The following JAML variants were observed in gnomAD, a reference collection of about 807,000 sequenced individuals.
The protein encoded by JAML is junction adhesion molecule like.
JAML carries 25 observed loss-of-function variants against 39.3 expected under a neutral mutation model. The observed-to-expected ratio is 0.64, with a 90% CI of 0.46 to 0.89. The LOEUF (loss-of-function observed/expected upper bound fraction) is 0.89, where lower values mean the gene tolerates loss of function less well. Ranked by LOEUF, JAML falls within the 40% of genes least tolerant of loss-of-function variation. JAML has a pLI of 0.00. For missense variants in JAML, 440 were observed against 486.9 expected, an observed-to-expected ratio of 0.90 and a Z score of 0.91; for synonymous variants, 162 against 179.2, an observed-to-expected ratio of 0.90 and a Z score of 0.77.
At position 118,200,677 on chromosome 11, in the gene JAML, G is replaced by C. The variant is rs537572986; in HGVS notation, c.773-65C>G. On this transcript the variant is annotated intron_variant, in intron 6 of 9. Coordinates refer to ENST00000356289, the MANE Select transcript of JAML (RefSeq NM_001098526.2). ...TTAGCAAAGAGCTGAGAGCCCCACA[G>C]CCCTATACCAAGTAGCACCAGCCAG... 3.8e-6 allele frequency: 6 copies of C among 1,589,764 alleles called. No individual in the cohort carries two copies. The African/African-American group carries it at 8.1e-5, about 21-fold the overall frequency.
At chr11:118,199,610 G>A (rs1948732173) in intron 7 of JAML, among the ~76,000 whole-genome samples, 1 of 152,010 alleles carries the variant, frequency 6.6e-6, no homozygotes, top group African/African-American at 2.4e-5. Flanking sequence ...AAGTGTCCCT[G>A]TTGGAGCATC....
chr11:118,196,654 T>C (rs946507048), intron 9 of JAML, 81 bp downstream of exon 9: 1 of 1,271,456 alleles, frequency 7.9e-7, no homozygotes, highest in South Asian at 1.2e-5. Flanking sequence ...GCAGCCTCCC[T>C]TGGGCAACCC....
intron 4 of JAML, among the ~76,000 whole-genome samples, chr11:118,209,991 A>C (rs1356941182): frequency 6.6e-6 from 1 of 152,102 alleles, no homozygotes. Flanking sequence ...CAGCCTCCCA[A>C]AATGCTAGGA....
Position 118,194,060 on chromosome 11 carries a change from C to T in JAML, c.*265G>A. On this transcript the variant is annotated 3_prime_UTR_variant, in exon 10 of 10. Transcript: ENST00000356289. ...GTCTGATCCAACGGGGGGTTTGAGG[C>T]CACTCAGCTCAGCCTGGTTCCCAGG... 1 of 419,840 alleles carries T rather than the reference C, an allele frequency of 2.4e-6. No homozygotes were observed. The highest frequency in any genetic ancestry group is 4.5e-6 in the Non-Finnish European group (1 of 224,716). The allele number at this position is 419,840 out of a possible 1,614,324, so 26.0% of individuals were successfully genotyped here.
chr11:118,216,832 C>A (rs1591480913), intron 1 of JAML, among the ~76,000 whole-genome samples: 1 of 152,180 alleles, frequency 6.6e-6, no homozygotes, highest in Non-Finnish European at 1.5e-5. Flanking sequence ...AACAAAAGAA[C>A]CTCTAGTGAA....
chr11:118,204,348 T>C (rs528024795), intron 5 of JAML: 5 of 153,356 alleles, frequency 3.3e-5, no homozygotes, highest in Admixed American at 3.2e-4. Context: ...TTTAAAAATG[T>C]AAGTTAAATC....
chr11:118,214,717 T>C, intron 2 of JAML, 107 bp downstream of exon 2: 2 of 1,190,786 alleles, frequency 1.7e-6, no homozygotes, highest in South Asian at 1.3e-5. Flanking sequence ...AGGGTTTCCA[T>C]CTTCAACAAA....
intron 7 of JAML, among the ~76,000 whole-genome samples, chr11:118,199,690 A>AT (rs201020070): frequency 1.1e-3 from 91 of 80,646 alleles, no homozygotes; most frequent in Middle Eastern, 6.1e-3. Flanking sequence ...TATTATTATT[A>AT]TTATTTTTTT....
At chr11:118,196,066 C>A (rs922396712) in intron 9 of JAML, among the ~76,000 whole-genome samples, 4 of 151,596 alleles carry the variant, frequency 2.6e-5, no homozygotes, top group Non-Finnish European at 4.4e-5. Flanking sequence ...CTCCTGACCT[C>A]AAGTGATCCA....
At chr11:118,196,155 A>C (rs1010869975) in intron 9 of JAML, among the ~76,000 whole-genome samples, 3 of 141,156 alleles carry the variant, frequency 2.1e-5, no homozygotes, top group African/African-American at 5.4e-5. Context: ...TTTGAAACAG[A>C]GTCTTACTCT....
intron 4 of JAML, chr11:118,208,813 T>A (rs1189326691): frequency 6.6e-6 from 1 of 152,356 alleles, no homozygotes; most frequent in Non-Finnish European, 1.5e-5. Context: ...AACGTTAGTT[T>A]GGATATCATT....
rs559597988 is a variant in JAML at position 118,206,619 on chromosome 11, A to C, written c.425-628T>G. Among the ~76,000 whole-genome samples, 11 of 152,146 alleles carry C rather than the reference A, an allele frequency of 7.2e-5. 1 individual carries two copies. The highest frequency in any genetic ancestry group is 2.7e-4 in the African/African-American group (11 of 41,494). On this transcript the variant is annotated intron_variant, in intron 4 of 9. Transcript: ENST00000356289. ...GGTACAAGTCACAGGACTCCTTGCTAATTAGGCCAAGACAAAAGACAGCTT... is the reference window on the plus strand; with the variant it reads ...GGTACAAGTCACAGGACTCCTTGCTCATTAGGCCAAGACAAAAGACAGCTT...
chr11:118,223,761 G>A (rs1278956470), intron 1 of JAML, among the ~76,000 whole-genome samples: 3 of 152,094 alleles, frequency 2.0e-5, no homozygotes, highest in Non-Finnish European at 4.4e-5. Flanking sequence ...GTTGGGTAAT[G>A]AGAACAAGTG....
chr11:118,208,275 A>G (rs375690959), intron 4 of JAML, among the ~76,000 whole-genome samples: 5 of 152,220 alleles, frequency 3.3e-5, no homozygotes, highest in African/African-American at 1.2e-4. Flanking sequence ...GGGCACAGGC[A>G]TCTGATTTGC....
chr11:118,202,890 C>G (rs554027527), intron 6 of JAML: 8 of 451,198 alleles, frequency 1.8e-5, no homozygotes, highest in Non-Finnish European at 3.6e-5. Flanking sequence ...ACAATCAAGT[C>G]TTTCCTCTCC....
intron 6 of JAML, 75 bp downstream of exon 6, chr11:118,203,353 C>T: frequency 7.3e-7 from 1 of 1,376,480 alleles, no homozygotes; most frequent in Non-Finnish European, 1.0e-6. Context: ...AGGAACCTCT[C>T]CGGCCTCACT....
chr11:118,198,537 A>T (rs1342229656), intron 7 of JAML, among the ~76,000 whole-genome samples: 1 of 152,074 alleles, frequency 6.6e-6, no homozygotes, highest in Non-Finnish European at 1.5e-5. Flanking sequence ...GGAGCAGAAT[A>T]ACCCCCACAA....
At chr11:118,206,686 G>T (rs1464059166) in intron 4 of JAML, among the ~76,000 whole-genome samples, 15 of 152,032 alleles carry the variant, frequency 9.9e-5, no homozygotes, top group Admixed American at 7.9e-4. Context: ...GCTCTCTCCT[G>T]CCCCCACCCT....
chr11:118,200,584 A>G lies in JAML; in HGVS notation c.801T>C (p.Pro267=). Residue 267 remains proline (P), a synonymous_variant, in exon 7 of 10, where the codon CCT becomes CCC. Transcript: ENST00000356289. ...RTLVTPAALR[P]LVLGGNQLVI... ...CCAACTGATTACCACCCAAGACCAGAGGCCTCAGGGCTGCCGGGGTCACCA... is the reference window on the plus strand; with the variant it reads ...CCAACTGATTACCACCCAAGACCAGGGGCCTCAGGGCTGCCGGGGTCACCA... 6.2e-7 allele frequency: 1 copy of G among 1,614,202 alleles called. No homozygotes were observed. Among genetic ancestry groups the G allele is most frequent in the Non-Finnish European group, 8.5e-7 (1 of 1,180,022 alleles).
Sources: gnomAD v4.1 joint callset for allele counts (sites outside exome capture counted in the v4.1 genomes callset) on GRCh38, gnomAD v4.1.1 for gene constraint, MANE v1.5 for transcripts, NCBI Gene and HGNC (gene_info 2026-07-23, HGNC 2026-07-21) for gene names.